Variants in USP32 observed in about 807,000 individuals in gnomAD.
The protein encoded by USP32 is ubiquitin specific peptidase 32.
USP32 carries 59 observed loss-of-function variants against 204.8 expected under a neutral mutation model. The ratio of observed to expected loss-of-function variants is 0.29; its 90% CI spans 0.23 to 0.36. USP32 has a LOEUF of 0.36. Ranked by LOEUF, USP32 falls within the 10% of genes least tolerant of loss-of-function variation. The pLI is 1.00. For synonymous variants in USP32, 517 were observed against 678.4 expected, an observed-to-expected ratio of 0.76 and a Z score of 3.70; for missense variants, 1,160 against 1,946.4, an observed-to-expected ratio of 0.60 and a Z score of 7.60.
chr17:60,233,264 G>A lies in USP32; in HGVS notation c.1239+2874C>T, dbSNP rs138568519. ...GAGAATCGCTTGAGCCCAGGAGTTC[G>A]AGACTAGCCTGGCAGGCATAGTGAG... On this transcript the variant is annotated intron_variant, in intron 12 of 33. Coordinates refer to ENST00000300896, the MANE Select transcript of USP32 (RefSeq NM_032582.4). 3.3e-5 allele frequency among the ~76,000 whole-genome samples: 5 copies of A among 152,218 alleles called. No homozygotes were observed. In the East Asian group the frequency reaches 7.7e-4, roughly 24 times the overall value.
intron 1 of USP32, among the ~76,000 whole-genome samples, chr17:60,419,704 G>A (rs1555626890): frequency 6.8e-6 from 1 of 147,854 alleles, no homozygotes; most frequent in Non-Finnish European, 1.5e-5. Context: ...CTGCATTCCA[G>A]CCTGGGTGAC....
At chr17:60,412,737 T>C (rs952947584) in intron 1 of USP32, among the ~76,000 whole-genome samples, 5 of 151,986 alleles carry the variant, frequency 3.3e-5, no homozygotes, top group African/African-American at 1.2e-4. Context: ...GGGGAGAAAT[T>C]GCTGCAAAAT....
intron 2 of USP32, among the ~76,000 whole-genome samples, chr17:60,310,378 G>T (rs574039731): frequency 6.6e-6 from 1 of 152,246 alleles, no homozygotes; most frequent in African/African-American, 2.4e-5. Flanking sequence ...AGAAAATGTG[G>T]TATATACACA....
In USP32 at chr17:60,295,571, C is replaced by T. The variant is rs143470557; in HGVS notation, c.293-770G>A. On this transcript the variant is annotated intron_variant, in intron 3 of 33. Transcript: ENST00000300896. ...AAATCTCTTGCCTCCCTCTTTATCCCACCTGGGACCTGAATGATCCTGTTG... is the reference window on the plus strand; with the variant it reads ...AAATCTCTTGCCTCCCTCTTTATCCTACCTGGGACCTGAATGATCCTGTTG... Among the ~76,000 whole-genome samples the T allele has an allele frequency of 1.6e-3, 244 of 152,246 alleles. 2 individuals are homozygous for T. The highest frequency in any genetic ancestry group is 5.7e-3 in the African/African-American group (236 of 41,542).
At chr17:60,410,536 C>T (rs1382318531) in intron 1 of USP32, among the ~76,000 whole-genome samples, 1 of 152,002 alleles carries the variant, frequency 6.6e-6, no homozygotes, top group Non-Finnish European at 1.5e-5. Flanking sequence ...GGCGTGGTGG[C>T]AGGCACCTGT....
chr17:60,224,707 C>T (rs1042095518), intron 13 of USP32, among the ~76,000 whole-genome samples: 1 of 152,188 alleles, frequency 6.6e-6, no homozygotes, highest in African/African-American at 2.4e-5. Flanking sequence ...CATTTGAGCC[C>T]AGGAACTGGA....
chr17:60,265,071 T>C (rs1014936202), intron 9 of USP32, among the ~76,000 whole-genome samples: 1 of 152,212 alleles, frequency 6.6e-6, no homozygotes, highest in African/African-American at 2.4e-5. Context: ...GTATATATTC[T>C]TTTTTGTTTG....
intron 33 of USP32, among the ~76,000 whole-genome samples, chr17:60,180,141 T>G (rs1598019886): frequency 6.6e-6 from 1 of 152,254 alleles, no homozygotes; most frequent in Admixed American, 6.5e-5. Context: ...TTCTCCTGCC[T>G]CAGCCTCCCG....
At chr17:60,371,395 C>T (rs907928718) in intron 1 of USP32, among the ~76,000 whole-genome samples, 1 of 151,792 alleles carries the variant, frequency 6.6e-6, no homozygotes, top group Admixed American at 6.6e-5. Flanking sequence ...GGTGAAACCC[C>T]GTCTCTACTA....
intron 2 of USP32, among the ~76,000 whole-genome samples, chr17:60,302,602 C>T (rs915381267): frequency 1.3e-5 from 2 of 152,208 alleles, no homozygotes; most frequent in South Asian, 4.1e-4. Flanking sequence ...CAGACCCACA[C>T]AACTGAATTA....
At chr17:60,350,533 C>T (rs1235211943) in intron 1 of USP32, among the ~76,000 whole-genome samples, 1 of 152,240 alleles carries the variant, frequency 6.6e-6, no homozygotes, top group Non-Finnish European at 1.5e-5. Context: ...AAGTGATCTG[C>T]CAGCCTAGGC....
intron 11 of USP32, chr17:60,249,836 C>T: frequency 1.6e-6 from 1 of 637,652 alleles, no homozygotes; most frequent in Non-Finnish European, 2.8e-6. Flanking sequence ...CTCGGCCATT[C>T]CAGAAATCAC....
chr17:60,301,466 T>C, intron 3 of USP32, 133 bp downstream of exon 3: 1 of 540,352 alleles, frequency 1.9e-6, no homozygotes, highest in South Asian at 2.8e-5. Context: ...TGCACATTTT[T>C]TAGGTGTTTA....
At chr17:60,371,337 C>T (rs1012909812) in intron 1 of USP32, among the ~76,000 whole-genome samples, 5 of 150,704 alleles carry the variant, frequency 3.3e-5, no homozygotes, top group Non-Finnish European at 4.4e-5. Flanking sequence ...GAGGCCAAGG[C>T]GGGTGGATCA....
chr17:60,379,787 TAAATAAG>T (rs1011065463), intron 1 of USP32, among the ~76,000 whole-genome samples: 3 of 152,172 alleles, frequency 2.0e-5, no homozygotes, highest in African/African-American at 7.2e-5. Flanking sequence ...AACAGAAAAC[TAAATAAG>T]AAATAACTAT....
chr17:60,378,244 C>G (rs1239434995), intron 1 of USP32, among the ~76,000 whole-genome samples: 1 of 151,828 alleles, frequency 6.6e-6, no homozygotes, highest in African/African-American at 2.4e-5. Flanking sequence ...AATGACAATA[C>G]TATGTCACAC....
At chr17:60,183,969 AT>A (rs2084180765) in intron 30 of USP32, among the ~76,000 whole-genome samples, 1 of 152,132 alleles carries the variant, frequency 6.6e-6, no homozygotes, top group African/African-American at 2.4e-5. Context: ...TTGTATGCTA[AT>A]TATACCTCAA....
chr17:60,300,048 T>A (rs985499251), intron 3 of USP32, among the ~76,000 whole-genome samples: 8 of 152,160 alleles, frequency 5.3e-5, no homozygotes, highest in African/African-American at 1.9e-4. Flanking sequence ...AGGATTTCAA[T>A]ATATGAATTT....
At chr17:60,285,690 T>A (rs1008285795) in intron 5 of USP32, among the ~76,000 whole-genome samples, 1 of 152,184 alleles carries the variant, frequency 6.6e-6, no homozygotes, top group Non-Finnish European at 1.5e-5. Flanking sequence ...TAAGGTGTTA[T>A]CAGAGTTCAG....
Sources: gnomAD v4.1 joint callset for allele counts (sites outside exome capture counted in the v4.1 genomes callset) on GRCh38, gnomAD v4.1.1 for gene constraint, MANE v1.5 for transcripts, NCBI Gene and HGNC (gene_info 2026-07-23, HGNC 2026-07-21) for gene names.